The following ADAMTSL1 variants were observed in gnomAD, a reference collection of about 807,000 sequenced individuals.
ADAMTSL1 encodes the protein ADAMTS like 1, also known as ADAMTS-like protein 1.
A neutral mutation model predicts 201.8 loss-of-function variants in ADAMTSL1; 126 were observed. The observed-to-expected ratio is 0.62, with a 90% CI of 0.54 to 0.72. The LOEUF is 0.72. ADAMTSL1 is among the 30% of genes least tolerant of loss of function. The probability of loss-of-function intolerance (pLI) is 0.00; values close to 1 mark genes in which losing one functional copy is unlikely to be tolerated. For missense variants in ADAMTSL1, 2,679 were observed against 2,277.8 expected, an observed-to-expected ratio of 1.18 and a Z score of -3.59; for synonymous variants, 1,121 against 903.4, an observed-to-expected ratio of 1.24 and a Z score of -4.32.
intron 1 of ADAMTSL1, among the ~76,000 whole-genome samples, chr9:17,931,156 C>G (rs531212250): frequency 6.6e-6 from 1 of 152,162 alleles, no homozygotes; most frequent in Non-Finnish European, 1.5e-5. Flanking sequence ...AACCGAGCTA[C>G]GACATCATGA....
intron 9 of ADAMTSL1, among the ~76,000 whole-genome samples, chr9:18,669,328 C>T (rs1359750207): frequency 3.3e-5 from 5 of 152,208 alleles, no homozygotes; most frequent in African/African-American, 1.2e-4. Context: ...TCAGAAATTA[C>T]ATTCATTAAT....
rs141074781 is a variant in ADAMTSL1, at chr9:18,592,472, A to G, written c.474+18206A>G. On this transcript the variant is annotated intron_variant, in intron 4 of 28. Coordinates refer to ENST00000380548, the MANE Select transcript of ADAMTSL1 (RefSeq NM_001040272.6). ...TTGGTTGCCATTGAGTTATTTTGCA[A>G]CTTCTCATGTAGTTGTAAGAGGATC... Among the ~76,000 whole-genome samples the G allele has an allele frequency of 2.3e-3, 354 of 152,210 alleles. 1 individual carries two copies. Among genetic ancestry groups the G allele is most frequent in the African/African-American group, 8.0e-3 (331 of 41,536 alleles).
intron 2 of ADAMTSL1, among the ~76,000 whole-genome samples, chr9:18,411,194 A>T (rs1301792279): frequency 2.2e-5 from 3 of 137,748 alleles, no homozygotes; most frequent in Non-Finnish European, 4.6e-5. Flanking sequence ...TTATTTATTT[A>T]TTTTTATTTA....
At position 18,533,260 on chromosome 9, in the gene ADAMTSL1, A is replaced by G; in HGVS notation, c.205A>G (p.Arg69Gly). ...TTTGCAACTTAGGAGCTGTGAAGGA[A>G]GAAATATCCGATACAGAACATGCAG... ...RCLSSKSCEG[R>G]NIRYRTCSNV... The change falls in exon 3 of 29, where the codon AGA becomes GGA. Residue 69 changes from arginine (R) to glycine (G), a missense_variant. Arg to Gly is a moderately radical substitution (Grantham distance 125). Coordinates refer to ENST00000380548, the MANE Select transcript of ADAMTSL1 (RefSeq NM_001040272.6). 1 of 1,607,150 alleles carries G rather than the reference A, an allele frequency of 6.2e-7. No individual in the cohort carries two copies. The highest frequency in any genetic ancestry group is 8.5e-7 in the Non-Finnish European group (1 of 1,176,742).
At chr9:18,653,251 C>T (rs2132938684) in intron 7 of ADAMTSL1, among the ~76,000 whole-genome samples, 2 of 152,336 alleles carry the variant, frequency 1.3e-5, no homozygotes, top group Middle Eastern at 6.8e-3. Context: ...CTCCCCACCA[C>T]CACAATATTA....
chr9:18,120,063 C>T (rs1056364424), intron 1 of ADAMTSL1, among the ~76,000 whole-genome samples: 7 of 152,138 alleles, frequency 4.6e-5, no homozygotes, highest in Non-Finnish European at 5.9e-5. Context: ...GTGAGATTCA[C>T]GGAACTGGGA....
intron 15 of ADAMTSL1, among the ~76,000 whole-genome samples, chr9:18,751,788 C>T (rs918328152): frequency 6.6e-6 from 1 of 152,106 alleles, no homozygotes; most frequent in African/African-American, 2.4e-5. Context: ...AAATGAAAGA[C>T]ATTTTGAAGG....
intron 2 of ADAMTSL1, among the ~76,000 whole-genome samples, chr9:18,404,413 G>T (rs1469964340): frequency 2.0e-5 from 3 of 152,140 alleles, no homozygotes; most frequent in Non-Finnish European, 4.4e-5. Context: ...CTCAAAGAAT[G>T]CAGGTTTTAC....
intron 2 of ADAMTSL1, among the ~76,000 whole-genome samples, chr9:18,446,579 T>C (rs1820201038): frequency 6.6e-6 from 1 of 152,200 alleles, no homozygotes; most frequent in Non-Finnish European, 1.5e-5. Flanking sequence ...AACTGGACCA[T>C]ACAAAAGGCC....
intron 3 of ADAMTSL1, 85 bp from the exon 4 acceptor site, chr9:18,573,945 C>T: frequency 9.4e-7 from 1 of 1,069,172 alleles, no homozygotes; most frequent in Admixed American, 2.1e-5. Context: ...TTTCTAAGAC[C>T]TAAGCAGACC....
At chr9:18,865,755 G>C (rs1184823426) in intron 23 of ADAMTSL1, among the ~76,000 whole-genome samples, 1 of 152,022 alleles carries the variant, frequency 6.6e-6, no homozygotes, top group East Asian at 1.9e-4. Flanking sequence ...ATAGAGAGAG[G>C]CCTTCTGCTG....
chr9:18,280,506 A>G (rs572081872), intron 2 of ADAMTSL1, among the ~76,000 whole-genome samples: 3 of 152,212 alleles, frequency 2.0e-5, no homozygotes, highest in Admixed American at 6.5e-5. Flanking sequence ...TTTGAACAAC[A>G]TTGAGTCTTC....
At chr9:18,891,017 C>T (rs1588320809) in intron 25 of ADAMTSL1, among the ~76,000 whole-genome samples, 1 of 152,184 alleles carries the variant, frequency 6.6e-6, no homozygotes, top group African/African-American at 2.4e-5. Context: ...CTAAGTGGCT[C>T]TGCTCCTGTG....
chr9:18,214,737 T>A (rs891853083), intron 2 of ADAMTSL1, among the ~76,000 whole-genome samples: 1 of 152,208 alleles, frequency 6.6e-6, no homozygotes, highest in Non-Finnish European at 1.5e-5. Flanking sequence ...GTAGAGTTAC[T>A]TCATTTGATA....
At chr9:18,765,256 G>T (rs1278559511) in intron 16 of ADAMTSL1, among the ~76,000 whole-genome samples, 1 of 152,170 alleles carries the variant, frequency 6.6e-6, no homozygotes, top group Non-Finnish European at 1.5e-5. Context: ...TACAAATTCA[G>T]CATCACTAGT....
chr9:18,063,333 A>G (rs1822544689), intron 1 of ADAMTSL1, among the ~76,000 whole-genome samples: 1 of 152,220 alleles, frequency 6.6e-6, no homozygotes, highest in South Asian at 2.1e-4. Flanking sequence ...TGGGCAGGAG[A>G]GCAAGAGCCC....
intron 2 of ADAMTSL1, among the ~76,000 whole-genome samples, chr9:18,232,123 A>C (rs1830665101): frequency 6.6e-6 from 1 of 152,134 alleles, no homozygotes; most frequent in Non-Finnish European, 1.5e-5. Context: ...AGAGGAGCCC[A>C]TCTCCTATTT....
rs149449871 is a variant in ADAMTSL1 at position 18,606,358 on chromosome 9, GC to G, written c.475-15883del. Reference sequence around the variant, plus strand: ...TTGGGAATATCTTTGTTTTTTGAGTGCCTTTAGCTTGGTGCTGAGAAATAAA... The same window carrying G: ...TTGGGAATATCTTTGTTTTTTGAGTGCTTTAGCTTGGTGCTGAGAAATAAA... On this transcript the variant is annotated intron_variant, in intron 4 of 28. Transcript: ENST00000380548. Among the ~76,000 whole-genome samples the G allele has an allele frequency of 4.3e-3, 656 of 152,204 alleles. 2 individuals are homozygous for G. The highest frequency in any genetic ancestry group is 0.015 in the African/African-American group (640 of 41,526).
chr9:18,260,618 A>T lies in ADAMTSL1; in HGVS notation c.207+96637A>T, dbSNP rs142126027. ...TGAGGCTGGCCCTCCCTGCTAATGC[A>T]GGGGCCTTGGCATTGTTTCTGCTGC... On this transcript the variant is annotated intron_variant, in intron 2 of 29. Transcript: ENST00000680146. Among the ~76,000 whole-genome samples, 963 of 152,328 alleles carry T rather than the reference A, an allele frequency of 6.3e-3. 8 individuals carry two copies. The highest frequency in any genetic ancestry group is 0.014 in the Middle Eastern group (4 of 294).
Sources: allele counts gnomAD v4.1 joint callset (sites outside exome capture counted in the v4.1 genomes callset), GRCh38; gene constraint gnomAD v4.1.1; transcripts MANE v1.5; gene names NCBI Gene and HGNC (gene_info 2026-07-23, HGNC 2026-07-21).